Variants in DTNA observed in about 807,000 individuals in gnomAD.
DTNA encodes the protein dystrophin-related protein 3.
A neutral mutation model predicts 100.7 loss-of-function variants in DTNA; 43 were observed. The ratio of observed to expected loss-of-function variants is 0.43; its 90% CI spans 0.33 to 0.55. DTNA has a LOEUF of 0.55. Among genes scored for constraint, DTNA ranks in the 20% least tolerant of loss-of-function variants. DTNA has a pLI of 0.04. For synonymous variants in DTNA, 349 were observed against 347.9 expected (o/e 1.00, Z -0.04); for missense variants, 798 against 953.9 (o/e 0.84, Z 2.15).
rs375799731 is a variant in DTNA at position 34,746,503 on chromosome 18, A to G, written c.-1-9473A>G. On this transcript the variant is annotated intron_variant, in intron 1 of 22. Coordinates refer to ENST00000444659, the MANE Select transcript of DTNA (RefSeq NM_001386795.1). ...ATATTATTGCTAGTGAGAAATACAG[A>G]TGCACACATGTACACAGTCATTCTG... Among the ~76,000 whole-genome samples the G allele has an allele frequency of 4.6e-5, 7 of 152,216 alleles. No individual in the cohort carries two copies. In the East Asian group the frequency reaches 1.2e-3, roughly 25 times the overall value.
intron 1 of DTNA, among the ~76,000 whole-genome samples, chr18:34,538,656 A>G (rs562053840): frequency 3.9e-5 from 6 of 152,136 alleles, no homozygotes; most frequent in Admixed American, 3.9e-4. Flanking sequence ...AAATTTGGTA[A>G]TCCGTTAAAA....
At chr18:34,800,910 T>C (rs1333154700) in intron 4 of DTNA, among the ~76,000 whole-genome samples, 1 of 152,220 alleles carries the variant, frequency 6.6e-6, no homozygotes, top group Non-Finnish European at 1.5e-5. Context: ...ATATAAATAA[T>C]ATATTCTTAG....
At chr18:34,785,215 G>A (rs2094469496) in intron 3 of DTNA, among the ~76,000 whole-genome samples, 1 of 152,028 alleles carries the variant, frequency 6.6e-6, no homozygotes, top group African/African-American at 2.4e-5. Flanking sequence ...ACCGGCCCCT[G>A]AAATATTTGA....
intron 1 of DTNA, among the ~76,000 whole-genome samples, chr18:34,612,715 G>A (rs948831075): frequency 4.6e-5 from 7 of 152,160 alleles, no homozygotes; most frequent in South Asian, 4.1e-4. Context: ...ATTATTACAC[G>A]TTGACATTTT....
chr18:34,853,330 G>T (rs2096507430), intron 15 of DTNA, among the ~76,000 whole-genome samples: 2 of 152,168 alleles, frequency 1.3e-5, no homozygotes. Flanking sequence ...GGTCAAACTG[G>T]AGGAGTAAAG....
At chr18:34,661,051 A>G (rs988701) in intron 1 of DTNA, among the ~76,000 whole-genome samples, 8,255 of 152,296 alleles carry the variant, frequency 0.054, 287 homozygotes, top group Non-Finnish European at 0.075. Flanking sequence ...GTCAACAACT[A>G]TTATGATATC....
In DTNA at chr18:34,852,823, C is replaced by A. The variant is rs79859555; in HGVS notation, c.1532+895C>A. 4.0e-3 allele frequency among the ~76,000 whole-genome samples: 611 copies of A among 152,316 alleles called. 20 individuals carry two copies. The East Asian group carries it at 0.07, about 17-fold the overall frequency. ...CAAATATCATCTCCTAAAAGACCAC[C>A]TGTCTGATCCTACCTAATTGCCCCT... On this transcript the variant is annotated intron_variant, in intron 15 of 22. Coordinates refer to ENST00000444659, the MANE Select transcript of DTNA (RefSeq NM_001386795.1).
intron 1 of DTNA, among the ~76,000 whole-genome samples, chr18:34,553,171 G>A (rs2045636713): frequency 6.6e-6 from 1 of 151,524 alleles, no homozygotes; most frequent in Non-Finnish European, 1.5e-5. Context: ...CTGCATAAAT[G>A]TCTTCTTTTG....
chr18:34,596,187 C>A (rs1159008989), intron 1 of DTNA, among the ~76,000 whole-genome samples: 1 of 152,058 alleles, frequency 6.6e-6, no homozygotes, highest in African/African-American at 2.4e-5. Flanking sequence ...ACTAAAGGCT[C>A]TTTGCTGTTT....
intron 9 of DTNA, 24 bp downstream of exon 9, chr18:34,820,939 A>T (rs1297234844): frequency 1.2e-6 from 2 of 1,609,390 alleles, no homozygotes; most frequent in Non-Finnish European, 8.5e-7. Context: ...CCCTCCCAGT[A>T]TAGAGACAAT....
At chr18:34,802,747 A>G (rs16965975) in intron 4 of DTNA, among the ~76,000 whole-genome samples, 18,892 of 152,168 alleles carry the variant, frequency 0.12, 1,275 homozygotes, top group African/African-American at 0.17. Flanking sequence ...ATTTAAACAA[A>G]TCTTCAGAAA....
At chr18:34,866,838 G>A (rs2096710041) in intron 17 of DTNA, 5 of 1,018,326 alleles carry the variant, frequency 4.9e-6, no homozygotes, top group Non-Finnish European at 5.9e-6. Flanking sequence ...TAGCACCAGA[G>A]CCTTTCGGCT....
intron 1 of DTNA, among the ~76,000 whole-genome samples, chr18:34,732,826 C>G (rs114778295): frequency 0.039 from 5,893 of 152,160 alleles, 370 homozygotes; most frequent in African/African-American, 0.13. Context: ...TCAACATTTG[C>G]GATATACCTG....
rs1000529425 is a variant in DTNA, at chr18:34,794,144, T to C, written c.256T>C (p.Ser86Pro). Residue 86 changes from serine to proline, a missense_variant, in exon 4 of 23, where the codon TCC becomes CCC. By Grantham distance (74) the Ser-to-Pro change is moderately conservative. Transcript: ENST00000444659. ...LNVSRLEAVL[S>P]TIFYQLNKRM... is the part of the protein sequence containing the mutation. ...CGTGTCCCGCTTAGAGGCTGTGCTC[T>C]CCACTATTTTTTACCAGCTCAACAA... The C allele has an allele frequency of 6.2e-7, 1 of 1,614,008 alleles. No homozygotes were observed. Among genetic ancestry groups the C allele is most frequent in the Non-Finnish European group, 8.5e-7 (1 of 1,180,028 alleles).
Position 34,816,811 on chromosome 18 carries a change from A to T in DTNA, c.709+797A>T, listed in dbSNP as rs1386514678. 2.6e-5 allele frequency among the ~76,000 whole-genome samples: 4 copies of T among 152,344 alleles called. No individual in the cohort carries two copies. The East Asian group carries it at 7.7e-4, about 29-fold the overall frequency. The stretch of plus-strand genomic sequence containing the variant: ...TTTAATATACATTGCAGCTAAAGTT[A>T]GCTTAATTTTAAATTATCATTCAGA... On this transcript the variant is annotated intron_variant, in intron 7 of 22. Coordinates refer to ENST00000444659, the MANE Select transcript of DTNA (RefSeq NM_001386795.1).
intron 1 of DTNA, among the ~76,000 whole-genome samples, chr18:34,659,085 CGT>C (rs35030778): frequency 2.0e-5 from 3 of 151,112 alleles, no homozygotes; most frequent in Non-Finnish European, 4.4e-5. Flanking sequence ...ATTTACTGTA[CGT>C]GTGTGTGTGT....
chr18:34,634,861 C>T (rs577072354), intron 1 of DTNA, among the ~76,000 whole-genome samples: 40 of 152,246 alleles, frequency 2.6e-4, no homozygotes, highest in African/African-American at 9.1e-4. Context: ...TTCGAGAATA[C>T]AATACATTGT....
intron 1 of DTNA, among the ~76,000 whole-genome samples, chr18:34,505,001 T>C (rs915281508): frequency 6.6e-6 from 1 of 152,200 alleles, no homozygotes; most frequent in Non-Finnish European, 1.5e-5. Context: ...ATTGTATTGA[T>C]TTCCTATGGC....
At chr18:34,667,601 A>G (rs2076123154) in intron 1 of DTNA, among the ~76,000 whole-genome samples, 1 of 152,210 alleles carries the variant, frequency 6.6e-6, no homozygotes, top group East Asian at 1.9e-4. Context: ...ATGTCCCATC[A>G]ATACCTAATT....
Sources: gnomAD v4.1 joint callset for allele counts (sites outside exome capture counted in the v4.1 genomes callset) on GRCh38, gnomAD v4.1.1 for gene constraint, MANE v1.5 for transcripts, NCBI Gene and HGNC (gene_info 2026-07-23, HGNC 2026-07-21) for gene names.